Variants in GPR89B observed in about 807,000 individuals in gnomAD.
The protein encoded by GPR89B is golgi pH regulator B.
Under a neutral mutation model 52.4 loss-of-function variants are expected in GPR89B, and 25 were observed. The ratio of observed to expected loss-of-function variants is 0.48; its 90% CI spans 0.35 to 0.67. The LOEUF is 0.67. Ranked by LOEUF, GPR89B falls within the 30% of genes least tolerant of loss-of-function variation. The probability of loss-of-function intolerance (pLI) is 0.01; values close to 1 mark genes in which losing one functional copy is unlikely to be tolerated. For missense variants in GPR89B, 146 were observed against 450.2 expected (o/e 0.32, Z 6.11); for synonymous variants, 52 against 151.2 (o/e 0.34, Z 4.81).
chr1:147,977,469 C>A (rs1657928916), intron 10 of GPR89B, among the ~76,000 whole-genome samples: 1 of 151,698 alleles, frequency 6.6e-6, no homozygotes. Context: ...CTGGAGTTCT[C>A]TGGATTTCCT....
At chr1:148,005,886 G>T in the GPR89B span, among the ~76,000 whole-genome samples, 6 of 151,956 alleles carry the variant, frequency 3.9e-5, 1 homozygote, top group South Asian at 1.2e-3. Flanking sequence ...CAACAAACTG[G>T]ATTTGCCTGC....
intron 7 of GPR89B, among the ~76,000 whole-genome samples, chr1:147,959,246 T>G (rs1656357575): frequency 6.6e-6 from 1 of 152,084 alleles, no homozygotes; most frequent in East Asian, 1.9e-4. Flanking sequence ...ACCTCTACCT[T>G]GAATTAGTTT....
the GPR89B span, among the ~76,000 whole-genome samples, chr1:148,023,603 G>A: frequency 7.3e-6 from 1 of 137,466 alleles, no homozygotes; most frequent in South Asian, 2.8e-4. Flanking sequence ...AGCATCTGTT[G>A]GTTTTTGACT....
chr1:147,945,578 C>A (rs1654898349), intron 5 of GPR89B, among the ~76,000 whole-genome samples: 1 of 152,144 alleles, frequency 6.6e-6, no homozygotes, highest in Non-Finnish European at 1.5e-5. Context: ...TTCAAAATTT[C>A]AAATAACATT....
intron 13 of GPR89B, 33 bp downstream of exon 13, chr1:147,992,600 C>G: frequency 6.2e-7 from 1 of 1,611,572 alleles, no homozygotes; most frequent in Non-Finnish European, 8.5e-7. Context: ...ATGTTGACAG[C>G]TGTAAAATAT....
intron 5 of GPR89B, among the ~76,000 whole-genome samples, chr1:147,952,433 A>G (rs1190244166): frequency 6.6e-6 from 1 of 151,724 alleles, no homozygotes; most frequent in African/African-American, 2.4e-5. Flanking sequence ...CAGAGGTTGC[A>G]CTGACCTCTA....
chr1:147,931,130 C>G (rs1483491001), intron 1 of GPR89B, among the ~76,000 whole-genome samples: 1 of 151,970 alleles, frequency 6.6e-6, no homozygotes, highest in Non-Finnish European at 1.5e-5. Context: ...TCCCTTGGAC[C>G]TGGCACATAT....
chr1:148,021,581 G>C, the GPR89B span, among the ~76,000 whole-genome samples: 1 of 151,636 alleles, frequency 6.6e-6, no homozygotes, highest in African/African-American at 2.4e-5. Flanking sequence ...CATGTGAGGA[G>C]GAACCCGAGT....
At chr1:147,932,795 G>A (rs1178100009) in intron 1 of GPR89B, among the ~76,000 whole-genome samples, 2 of 151,974 alleles carry the variant, frequency 1.3e-5, no homozygotes, top group African/African-American at 2.4e-5. Context: ...TTAGAGTAGC[G>A]TATTTTGAAG....
intron 7 of GPR89B, among the ~76,000 whole-genome samples, chr1:147,958,098 T>C (rs1391600090): frequency 5.0e-4 from 76 of 151,900 alleles, no homozygotes; most frequent in African/African-American, 1.5e-3. Context: ...TAAAGAAGGC[T>C]CAGGTTCACT....
the GPR89B span, among the ~76,000 whole-genome samples, chr1:148,008,199 T>A: frequency 6.6e-6 from 1 of 152,220 alleles, no homozygotes; most frequent in East Asian, 1.9e-4. Flanking sequence ...ACACTCAGCA[T>A]TTCTCCTGCT....
intron 5 of GPR89B, among the ~76,000 whole-genome samples, chr1:147,950,364 C>A (rs1655547187): frequency 6.6e-6 from 1 of 151,070 alleles, no homozygotes; most frequent in Non-Finnish European, 1.5e-5. Context: ...CTCCTCACTT[C>A]CTAGATGGGA....
intron 1 of GPR89B, among the ~76,000 whole-genome samples, chr1:147,931,619 T>A (rs1653619925): frequency 6.6e-6 from 1 of 151,914 alleles, no homozygotes; most frequent in Non-Finnish European, 1.5e-5. Flanking sequence ...TTATTTTAGA[T>A]TTGGTACTTG....
At chr1:147,947,279 A>T (rs1458360738) in intron 5 of GPR89B, among the ~76,000 whole-genome samples, 3 of 151,574 alleles carry the variant, frequency 2.0e-5, no homozygotes, top group African/African-American at 7.3e-5. Flanking sequence ...CTGAGGTTGC[A>T]GTGAGCTGAG....
chr1:147,956,781 A>G (rs1437789920), intron 7 of GPR89B, among the ~76,000 whole-genome samples: 5 of 151,560 alleles, frequency 3.3e-5, no homozygotes, highest in African/African-American at 1.2e-4. Context: ...TCTGTTGCCC[A>G]GGCTGGAGTG....
the GPR89B span, among the ~76,000 whole-genome samples, chr1:148,015,946 A>C: frequency 6.6e-6 from 1 of 151,936 alleles, no homozygotes; most frequent in African/African-American, 2.4e-5. Context: ...AAACCTTTTT[A>C]ACTGAACACA....
chr1:147,959,430 G>A (rs1387719705), intron 7 of GPR89B, among the ~76,000 whole-genome samples: 16 of 152,024 alleles, frequency 1.1e-4, no homozygotes, highest in African/African-American at 3.9e-4. Context: ...AATATTAAAA[G>A]CAAGTATTTG....
intron 7 of GPR89B, among the ~76,000 whole-genome samples, chr1:147,957,366 G>A (rs1340639824): frequency 6.6e-6 from 1 of 151,050 alleles, no homozygotes; most frequent in Admixed American, 6.6e-5. Flanking sequence ...ATAATAATGA[G>A]TTAAGACTTA....
chr1:147,968,358 A>T (rs1657182429), intron 8 of GPR89B: 1 of 453,832 alleles, frequency 2.2e-6, no homozygotes, highest in Non-Finnish European at 4.4e-6. Flanking sequence ...TGCAAAATGG[A>T]TAACACCATG....
Sources: allele counts gnomAD v4.1 joint callset (sites outside exome capture counted in the v4.1 genomes callset), GRCh38; gene constraint gnomAD v4.1.1; transcripts MANE v1.5; gene names NCBI Gene and HGNC (gene_info 2026-07-23, HGNC 2026-07-21).